GRAMD1B: variants seen among roughly 807,000 people sequenced by gnomAD.
The protein encoded by GRAMD1B is protein Aster-B.
In GRAMD1B, 37 loss-of-function variants were observed where a neutral mutation model predicts 99.7. The observed-to-expected ratio is 0.37, with a 90% CI of 0.29 to 0.49. GRAMD1B has a LOEUF of 0.49. Ranked by LOEUF, GRAMD1B falls within the 20% of genes least tolerant of loss-of-function variation. The pLI is 0.98. For synonymous variants in GRAMD1B, 427 were observed against 387.6 expected (o/e 1.10, Z -1.19); for missense variants, 888 against 1,009.2 (o/e 0.88, Z 1.63).
chr11:123,556,255 T>A (rs1483220357), intron 2 of GRAMD1B, among the ~76,000 whole-genome samples: 3 of 152,212 alleles, frequency 2.0e-5, no homozygotes. Context: ...ATTCAACAAA[T>A]TCAGATTTAT....
intron 1 of GRAMD1B, among the ~76,000 whole-genome samples, chr11:123,457,364 C>A (rs1001811265): frequency 8.5e-5 from 13 of 152,168 alleles, no homozygotes; most frequent in Admixed American, 8.5e-4. Context: ...ATTCTTTCCC[C>A]ACTGTCCAGC....
intron 1 of GRAMD1B, among the ~76,000 whole-genome samples, chr11:123,382,918 G>C (rs1027180979): frequency 6.6e-6 from 1 of 152,164 alleles, no homozygotes; most frequent in Non-Finnish European, 1.5e-5. Flanking sequence ...TTCTCCTCTT[G>C]CCCTCCTGTA....
chr11:123,571,318 G>A (rs975763197), intron 2 of GRAMD1B, among the ~76,000 whole-genome samples: 1 of 152,156 alleles, frequency 6.6e-6, no homozygotes, highest in Non-Finnish European at 1.5e-5. Flanking sequence ...AAGCAAAGTG[G>A]TGTAGCGGCC....
chr11:123,582,676 G>T (rs1419117580), intron 3 of GRAMD1B, among the ~76,000 whole-genome samples: 1 of 152,238 alleles, frequency 6.6e-6, no homozygotes, highest in Admixed American at 6.5e-5. Context: ...TTCACTGTGG[G>T]GGGTGAAGGT....
intron 2 of GRAMD1B, among the ~76,000 whole-genome samples, chr11:123,561,898 A>G (rs1946810434): frequency 6.6e-6 from 1 of 152,202 alleles, no homozygotes; most frequent in Admixed American, 6.5e-5. Flanking sequence ...GGAGATTGAT[A>G]ATGTCAAGGC....
intron 1 of GRAMD1B, among the ~76,000 whole-genome samples, chr11:123,407,760 G>A (rs1295001119): frequency 2.0e-5 from 3 of 152,178 alleles, no homozygotes. Context: ...AAACGTGCAG[G>A]TGCATTCATT....
chr11:123,403,357 A>G (rs1347066775), intron 1 of GRAMD1B, among the ~76,000 whole-genome samples: 1 of 150,928 alleles, frequency 6.6e-6, no homozygotes, highest in Non-Finnish European at 1.5e-5. Flanking sequence ...AACACAGGAG[A>G]TGGAGGTTGC....
At chr11:123,417,917 T>C (rs1009411738) in intron 1 of GRAMD1B, among the ~76,000 whole-genome samples, 1 of 152,168 alleles carries the variant, frequency 6.6e-6, no homozygotes, top group African/African-American at 2.4e-5. Context: ...CATGCCTCTA[T>C]GCCTGGCTAA....
chr11:123,403,448 GATAATAATAATA>G (rs371716819), intron 1 of GRAMD1B, among the ~76,000 whole-genome samples: 4,167 of 139,126 alleles, frequency 0.03, 73 homozygotes, highest in Middle Eastern at 0.058. Context: ...TGATGATGAT[GATAATAATAATA>G]ATAATAATAA....
intron 2 of GRAMD1B, among the ~76,000 whole-genome samples, chr11:123,567,740 A>C (rs1947549526): frequency 6.6e-6 from 1 of 151,822 alleles, no homozygotes; most frequent in South Asian, 2.1e-4. Context: ...ATGGATGGAG[A>C]CTCCAGCCAT....
intron 2 of GRAMD1B, among the ~76,000 whole-genome samples, chr11:123,553,756 A>G (rs1025658676): frequency 3.9e-5 from 6 of 152,222 alleles, no homozygotes; most frequent in African/African-American, 7.2e-5. Flanking sequence ...TCTGTGGAAC[A>G]TCAGTTCTCT....
At position 123,608,641 on chromosome 11, in the gene GRAMD1B, A is replaced by C; in HGVS notation, c.1514-18A>C. Reference sequence around the variant, plus strand: ...CTCCGCTGTCACTGTCTACTTCCTGATCCTCTCTTCTGTGCAGGAGAGGTC... The same window carrying C: ...CTCCGCTGTCACTGTCTACTTCCTGCTCCTCTCTTCTGTGCAGGAGAGGTC... On this transcript the variant is annotated intron_variant, in intron 11 of 19. Transcript: ENST00000635736. 2 of 1,574,948 alleles carry C rather than the reference A, an allele frequency of 1.3e-6. No homozygotes were observed. The highest frequency in any genetic ancestry group is 2.7e-5 in the African/African-American group (2 of 74,070).
intron 1 of GRAMD1B, among the ~76,000 whole-genome samples, chr11:123,391,544 C>T (rs1442744022): frequency 5.9e-5 from 9 of 152,120 alleles, no homozygotes; most frequent in Admixed American, 4.6e-4. Flanking sequence ...GCAACCTCCG[C>T]CTCCTGGGTT....
upstream of GRAMD1B, among the ~76,000 whole-genome samples, chr11:123,425,774 C>T (rs532729655): frequency 2.0e-5 from 3 of 152,316 alleles, no homozygotes; most frequent in East Asian, 5.8e-4. Context: ...TGTATTTAAC[C>T]AGCACCAGCC....
At chr11:123,472,664 G>A (rs1951073596) in intron 1 of GRAMD1B, among the ~76,000 whole-genome samples, 1 of 152,216 alleles carries the variant, frequency 6.6e-6, no homozygotes, top group Non-Finnish European at 1.5e-5. Flanking sequence ...CAGGCTTGAG[G>A]AGGTGGTGTC....
chr11:123,380,600 G>C (rs538613433), intron 1 of GRAMD1B, among the ~76,000 whole-genome samples: 1 of 152,310 alleles, frequency 6.6e-6, no homozygotes, highest in African/African-American at 2.4e-5. Context: ...TAGACGGATG[G>C]ACCCTTTGTA....
At position 123,610,388 on chromosome 11, in the gene GRAMD1B, G is replaced by A; in HGVS notation, c.1919+50G>A. 1 of 1,583,080 alleles carries A rather than the reference G, an allele frequency of 6.3e-7. No homozygotes were observed. Among genetic ancestry groups the A allele is most frequent in the Non-Finnish European group, 8.7e-7 (1 of 1,153,056 alleles). Reference sequence around the variant, plus strand: ...CGGTCAGACGGGGGTCCTTACCTTAGAGAACATTCATTTGCTCCTGACGGG... The same window carrying A: ...CGGTCAGACGGGGGTCCTTACCTTAAAGAACATTCATTTGCTCCTGACGGG... On this transcript the variant is annotated intron_variant, in intron 14 of 19. Coordinates refer to ENST00000635736, the MANE Select transcript of GRAMD1B (RefSeq NM_001387025.1). This position sits in a 1 kb window ranked among gnomAD's most constrained non-coding sequence, Gnocchi z 4.1.
At chr11:123,566,621 C>A (rs1370566155) in intron 2 of GRAMD1B, among the ~76,000 whole-genome samples, 1 of 152,190 alleles carries the variant, frequency 6.6e-6, no homozygotes, top group African/African-American at 2.4e-5. Flanking sequence ...AAAAAATTAG[C>A]CACGCGTGGT....
chr11:123,376,031 T>A (rs1309869019), intron 1 of GRAMD1B, among the ~76,000 whole-genome samples: 1 of 152,168 alleles, frequency 6.6e-6, no homozygotes. Flanking sequence ...TTCTCTTAAC[T>A]TCACAGTTAC....
Sources: gnomAD v4.1 joint callset for allele counts (sites outside exome capture counted in the v4.1 genomes callset) on GRCh38, gnomAD v4.1.1 for gene constraint, Gnocchi (gnomAD v3.1) non-coding constraint, MANE v1.5 for transcripts, NCBI Gene and HGNC (gene_info 2026-07-23, HGNC 2026-07-21) for gene names.